The following TSHZ3 variants were observed in gnomAD, a reference collection of about 807,000 sequenced individuals.
TSHZ3 encodes the protein teashirt zinc finger homeobox 3.
TSHZ3 carries 10 observed loss-of-function variants against 64.5 expected under a neutral mutation model. The ratio of observed to expected loss-of-function variants is 0.16; its 90% confidence interval spans 0.10 to 0.26. The LOEUF is 0.26. Ranked by LOEUF, TSHZ3 falls within the 10% of genes least tolerant of loss-of-function variation. The pLI, the probability that TSHZ3 is intolerant of heterozygous loss-of-function variation, is 1.00. For missense variants in TSHZ3, 1,242 were observed against 1,421.7 expected, an observed-to-expected ratio of 0.87 and a Z score of 2.03; for synonymous variants, 608 against 593.1, an observed-to-expected ratio of 1.03 and a Z score of -0.36.
chr19:31,278,988 C>G lies in TSHZ3; in HGVS notation c.805G>C (p.Glu269Gln). Reference protein sequence around the residue: ...KRSLLEMEGKEDAQKVLKCMY... With the variant: ...KRSLLEMEGKQDAQKVLKCMY... ...CACTTCAGCACCTTCTGGGCGTCTT[C>G]CTTCCCTTCCATTTCCAGCAAGGAG... The change falls in exon 2 of 2, where the codon GAA becomes CAA. Residue 269 changes from glutamate to glutamine, a missense_variant. Coordinates refer to ENST00000240587, the MANE Select transcript of TSHZ3 (RefSeq NM_020856.4). The surrounding 1 kb of genome is among the most constrained non-coding windows in gnomAD (Gnocchi z 4.7). 1.2e-6 allele frequency: 2 copies of G among 1,614,018 alleles called. No individual in the cohort carries two copies. Among genetic ancestry groups the G allele is most frequent in the Non-Finnish European group, 1.7e-6 (2 of 1,179,900 alleles).
chr19:31,189,674 T>C (rs1321160902), intron 5 of TSHZ3, among the ~76,000 whole-genome samples: 1 of 152,098 alleles, frequency 6.6e-6, no homozygotes, highest in Admixed American at 6.5e-5. Context: ...TTGGTGAATG[T>C]TCCAGATGCA....
At chr19:31,254,209 C>T (rs999387763) in intron 1 of TSHZ3, among the ~76,000 whole-genome samples, 20 of 152,222 alleles carry the variant, frequency 1.3e-4, no homozygotes, top group African/African-American at 4.1e-4. Context: ...TTAGCATCCC[C>T]TGCTCCATCC....
At chr19:31,182,795 G>T (rs1049798781) in intron 5 of TSHZ3, among the ~76,000 whole-genome samples, 2 of 152,182 alleles carry the variant, frequency 1.3e-5, no homozygotes, top group Non-Finnish European at 1.5e-5. Context: ...CAGAGGACAA[G>T]TAAAGTGAGA....
intron 3 of TSHZ3, among the ~76,000 whole-genome samples, chr19:31,235,624 T>C (rs554236237): frequency 7.2e-6 from 1 of 138,720 alleles, no homozygotes; most frequent in African/African-American, 3.0e-5. Context: ...TTCCTCTTTC[T>C]TTCTTTCCTC....
At position 31,279,322 on chromosome 19, in the gene TSHZ3, GCTGCTGCTA is replaced by G. The variant is rs747497146; in HGVS notation, c.462_470del (p.Ser157_Ser159del). 43 of 1,613,674 alleles carry G rather than the reference GCTGCTGCTA, an allele frequency of 2.7e-5. No individual in the cohort carries two copies. The highest frequency in any genetic ancestry group is 8.5e-6 in the Non-Finnish European group (10 of 1,179,846). On this transcript the variant is annotated inframe_deletion, in exon 2 of 2. Coordinates refer to ENST00000240587, the MANE Select transcript of TSHZ3 (RefSeq NM_020856.4). This position sits in a 1 kb window ranked among gnomAD's most constrained non-coding sequence, Gnocchi z 6.4. The stretch of plus-strand genomic sequence containing the variant: ...CGAAGCTCCCGCTGCCACAGCTGCT[GCTGCTGCTA>G]CTGCTGCTGCTGCTGCTGCCGTTGT...
At chr19:31,213,872 C>A (rs545020234) in intron 4 of TSHZ3, among the ~76,000 whole-genome samples, 1 of 152,316 alleles carries the variant, frequency 6.6e-6, no homozygotes, top group African/African-American at 2.4e-5. Flanking sequence ...CCTCGAGCTG[C>A]CCCTGGAGTT....
intron 1 of TSHZ3, among the ~76,000 whole-genome samples, chr19:31,347,589 A>G (rs964803298): frequency 3.9e-5 from 6 of 152,212 alleles, no homozygotes; most frequent in African/African-American, 1.2e-4. Flanking sequence ...AATTTAAAGT[A>G]GAAGGTGGGA....
intron 4 of TSHZ3, among the ~76,000 whole-genome samples, chr19:31,224,441 G>A (rs971379190): frequency 1.3e-5 from 2 of 152,172 alleles, no homozygotes; most frequent in Admixed American, 6.5e-5. Flanking sequence ...GCATAATCAC[G>A]TTGGTATTCT....
In TSHZ3 at chr19:31,186,374, C is replaced by T. The variant is rs1974810701; in HGVS notation, n.809+18582G>A. On this transcript the variant is annotated intron_variant and non_coding_transcript_variant, in intron 5 of 6. Transcript: ENST00000651361. Reference sequence around the variant, plus strand: ...GGGGCGGTTACCCTCATGCTGTTCTCATGATACTGAGTGAGTTCTCACAAG... The same window carrying T: ...GGGGCGGTTACCCTCATGCTGTTCTTATGATACTGAGTGAGTTCTCACAAG... Among the ~76,000 whole-genome samples the T allele has an allele frequency of 6.6e-5, 10 of 152,266 alleles. No individual in the cohort carries two copies. In the South Asian group the frequency reaches 2.1e-3, roughly 32 times the overall value.
At chr19:31,254,607 C>A (rs1039104) in intron 1 of TSHZ3, among the ~76,000 whole-genome samples, 44,831 of 152,124 alleles carry the variant, frequency 0.29, 8,512 homozygotes, top group African/African-American at 0.53. Context: ...CCGTTCAATG[C>A]GGCGGGTGAT....
chr19:31,273,097 C>T (rs1014973817), downstream of TSHZ3, among the ~76,000 whole-genome samples: 2 of 152,174 alleles, frequency 1.3e-5, no homozygotes, highest in Admixed American at 1.3e-4. Context: ...GTGGCCCAAT[C>T]TTTAGCCAGG....
At chr19:31,333,016 G>A (rs1438232963) in intron 1 of TSHZ3, among the ~76,000 whole-genome samples, 1 of 151,802 alleles carries the variant, frequency 6.6e-6, no homozygotes, top group African/African-American at 2.4e-5. Flanking sequence ...GAGGTGGGAG[G>A]ACTGTCTGAG....
intron 1 of TSHZ3, among the ~76,000 whole-genome samples, chr19:31,348,123 A>G (rs886381007): frequency 2.6e-5 from 4 of 152,216 alleles, no homozygotes; most frequent in South Asian, 2.1e-4. Context: ...CATCACGTCC[A>G]TATGTGGTCC....
intron 5 of TSHZ3, among the ~76,000 whole-genome samples, chr19:31,156,425 C>G (rs1036936217): frequency 1.3e-5 from 2 of 152,138 alleles, no homozygotes; most frequent in African/African-American, 4.8e-5. Context: ...TCCCTATAAA[C>G]AAAACAAGAT....
At chr19:31,168,333 C>CT (rs1555722397) in intron 5 of TSHZ3, among the ~76,000 whole-genome samples, 1 of 152,120 alleles carries the variant, frequency 6.6e-6, no homozygotes, top group Non-Finnish European at 1.5e-5. Context: ...GAAATATCCT[C>CT]TTTTTTGGCA....
At chr19:31,211,678 C>A (rs1390833694) in intron 4 of TSHZ3, among the ~76,000 whole-genome samples, 2 of 152,176 alleles carry the variant, frequency 1.3e-5, no homozygotes, top group Non-Finnish European at 2.9e-5. Flanking sequence ...AGTGGCAAAG[C>A]CAGCCCAGGC....
intron 5 of TSHZ3, among the ~76,000 whole-genome samples, chr19:31,167,103 CT>C (rs1974464619): frequency 6.6e-6 from 1 of 152,102 alleles, no homozygotes; most frequent in Non-Finnish European, 1.5e-5. Flanking sequence ...CGCAGTAGGG[CT>C]TTTTGAGAAG....
chr19:31,170,838 C>T (rs1974525987), intron 5 of TSHZ3, among the ~76,000 whole-genome samples: 2 of 152,178 alleles, frequency 1.3e-5, no homozygotes, highest in African/African-American at 4.8e-5. Flanking sequence ...CGAGGTAAGG[C>T]AATCTGAAAA....
chr19:31,334,848 C>T (rs559865727), intron 1 of TSHZ3, among the ~76,000 whole-genome samples: 29 of 152,228 alleles, frequency 1.9e-4, no homozygotes, highest in African/African-American at 6.3e-4. Context: ...AACCTGGGGA[C>T]GGAGATGCTG....
Sources: gnomAD v4.1 joint callset for allele counts (sites outside exome capture counted in the v4.1 genomes callset) on GRCh38, gnomAD v4.1.1 for gene constraint, Gnocchi (gnomAD v3.1) non-coding constraint, MANE v1.5 for transcripts, NCBI Gene and HGNC (gene_info 2026-07-23, HGNC 2026-07-21) for gene names.